Variants in DNAH17 observed in about 807,000 individuals in gnomAD.
DNAH17 encodes axonemal beta dynein heavy chain 17.
Under a neutral mutation model 485.6 loss-of-function variants are expected in DNAH17, and 376 were observed. The observed-to-expected ratio is 0.77, with a 90% CI of 0.71 to 0.84. The LOEUF is 0.84. Among genes scored for constraint, DNAH17 ranks in the 40% least tolerant of loss-of-function variants. The pLI is 0.00. For missense variants in DNAH17, 6,370 were observed against 5,839.3 expected (o/e 1.09, Z -2.96); for synonymous variants, 3,031 against 2,405.9 (o/e 1.26, Z -7.60).
chr17:78,546,019 G>A (rs1463343997), intron 16 of DNAH17, among the ~76,000 whole-genome samples: 1 of 151,842 alleles, frequency 6.6e-6, no homozygotes, highest in African/African-American at 2.4e-5. Context: ...TTGTCACTCA[G>A]GCTGGAGGGC....
intron 24 of DNAH17, 108 bp from the exon 25 acceptor site, chr17:78,525,269 T>C: frequency 2.1e-6 from 3 of 1,434,026 alleles, no homozygotes; most frequent in Non-Finnish European, 1.9e-6. Flanking sequence ...CTGATAAACC[T>C]TCTGGGAGGA....
At chr17:78,462,769 G>A (rs1002245522) in intron 57 of DNAH17, 75 bp downstream of exon 57, 3 of 1,455,212 alleles carry the variant, frequency 2.1e-6, no homozygotes, top group East Asian at 2.3e-5. Context: ...GCCCGTGGAT[G>A]CCTGTGACAG....
At chr17:78,465,583 C>A (rs2088392438) in intron 56 of DNAH17, among the ~76,000 whole-genome samples, 1 of 150,128 alleles carries the variant, frequency 6.7e-6, no homozygotes, top group South Asian at 2.1e-4. Context: ...TGCCCCGCCG[C>A]CCCATCTGGG....
At chr17:78,575,893 C>T (rs12150246) in intron 1 of DNAH17, among the ~76,000 whole-genome samples, 101,846 of 152,184 alleles carry the variant, frequency 0.67, 34,184 homozygotes, top group Middle Eastern at 0.73. Context: ...GAACAAAATA[C>T]CAAAGTTTCA....
In DNAH17 at chr17:78,486,308, G is replaced by GA. The variant is rs1568134603; in HGVS notation, c.7016_7017insT (p.Asp2341ArgfsTer37). 1 of 1,613,232 alleles carries GA rather than the reference G, an allele frequency of 6.2e-7. No individual in the cohort carries two copies. The highest frequency in any genetic ancestry group is 2.2e-5 in the East Asian group (1 of 44,866). Reference sequence around the variant, plus strand: ...CGTACAGCTCCCTGGGGGAGTCGGGGGGCACGGTCTTCTCCGTGAGCAGGC... The same window carrying GA: ...CGTACAGCTCCCTGGGGGAGTCGGGGAGGCACGGTCTTCTCCGTGAGCAGGC... On this transcript the variant is annotated frameshift_variant, in exon 45 of 81. Transcript: ENST00000389840. LOFTEE classifies it high-confidence loss of function.
chr17:78,574,728 G>A lies in DNAH17; in HGVS notation c.330C>T (p.Ile110=), dbSNP rs770116365. 181 of 1,606,060 alleles carry A rather than the reference G, an allele frequency of 1.1e-4. No individual in the cohort carries two copies. The highest frequency in any genetic ancestry group is 1.4e-4 in the Non-Finnish European group (170 of 1,174,428). ...ACGCACTCACCTCCTCCACCACCGC[G>A]ATCAGCTGGTCCACGGGTGTGGGGC... ...DISPTPVDQL[I]AVVEEVLSSL... is the part of the protein sequence containing the mutation. The change falls in exon 2 of 81, where the codon ATC becomes ATT. Residue 110 remains isoleucine (I), a synonymous_variant. Coordinates refer to ENST00000389840, the MANE Select transcript of DNAH17 (RefSeq NM_173628.4).
At chr17:78,457,197 CCT>C (rs1458386760) in intron 62 of DNAH17, among the ~76,000 whole-genome samples, 1 of 152,152 alleles carries the variant, frequency 6.6e-6, no homozygotes, top group Non-Finnish European at 1.5e-5. Context: ...ATGGTGAAAC[CCT>C]GTCTCTACTA....
intron 27 of DNAH17, among the ~76,000 whole-genome samples, chr17:78,509,243 G>A (rs1206995624): frequency 6.7e-6 from 1 of 150,320 alleles, no homozygotes; most frequent in Non-Finnish European, 1.5e-5. Flanking sequence ...TGGGATTACA[G>A]GCGTGAGCCA....
In DNAH17 at chr17:78,529,774, G is replaced by A. The variant is rs1240413038; in HGVS notation, c.3285-80C>T. The A allele has an allele frequency of 2.1e-6, 3 of 1,431,218 alleles. No individual in the cohort carries two copies. In the East Asian group the frequency reaches 7.1e-5, roughly 34 times the overall value. 88.7% of individuals were successfully genotyped at this position (1,431,218 alleles called of 1,614,324 possible). ...GATGGTACGGAGCCCCATGAGAGGG[G>A]GACGACCGCGGTGAGGTCAACTGGC... On this transcript the variant is annotated intron_variant, in intron 21 of 80. Coordinates refer to ENST00000389840, the MANE Select transcript of DNAH17 (RefSeq NM_173628.4).
intron 18 of DNAH17, among the ~76,000 whole-genome samples, chr17:78,538,924 G>A (rs1268838630): frequency 6.6e-6 from 1 of 152,124 alleles, no homozygotes; most frequent in African/African-American, 2.4e-5. Flanking sequence ...AAATCATTTA[G>A]AAACCATCTC....
chr17:78,570,416 T>C (rs2092335090), intron 6 of DNAH17, 44 bp from the exon 7 acceptor site: 1 of 1,587,532 alleles, frequency 6.3e-7, no homozygotes, highest in Non-Finnish European at 8.6e-7. Context: ...GACTGGCCGC[T>C]GCACCTTATC....
At chr17:78,442,497 G>A (rs2087113006) in intron 71 of DNAH17, among the ~76,000 whole-genome samples, 1 of 152,210 alleles carries the variant, frequency 6.6e-6, no homozygotes, top group African/African-American at 2.4e-5. Flanking sequence ...TGTGATCCTT[G>A]TCTAGGAAGG....
intron 27 of DNAH17, 34 bp downstream of exon 27, chr17:78,510,350 A>G: frequency 6.2e-7 from 1 of 1,608,002 alleles, no homozygotes; most frequent in Non-Finnish European, 8.5e-7. Flanking sequence ...GGCTGATCCC[A>G]CGTTGCACAG....
In DNAH17 at chr17:78,532,555, G is replaced by A. The variant is rs186768969; in HGVS notation, c.3041C>T (p.Ala1014Val). 8.6e-5 allele frequency: 139 copies of A among 1,610,336 alleles called. No individual in the cohort carries two copies. The African/African-American group carries it at 1.3e-3, about 15-fold the overall frequency. The change falls in exon 20 of 81, where the codon GCG (alanine) becomes GTG (valine). Residue 1014 changes from alanine (A) to valine (V), a missense_variant. By Grantham distance (64) the Ala-to-Val change is moderately conservative. Coordinates refer to ENST00000389840, the MANE Select transcript of DNAH17 (RefSeq NM_173628.4). ...ATCTGTCCAGGTGTCCAAGTCCTCC[G>A]CAGTGACTGCACACCCATATATCAG... ...NFLIYGCAVTAEDLDTWTDDT... is the reference protein window; with the variant it reads ...NFLIYGCAVTVEDLDTWTDDT...
chr17:78,461,482 GC>G, intron 58 of DNAH17, 61 bp downstream of exon 58: 1 of 1,433,316 alleles, frequency 7.0e-7, no homozygotes. Flanking sequence ...ACACGTGGAA[GC>G]CCAGGAGGCC....
intron 41 of DNAH17, 58 bp from the exon 42 acceptor site, chr17:78,492,823 A>G (rs1053917293): frequency 3.3e-6 from 5 of 1,524,314 alleles, no homozygotes; most frequent in Non-Finnish European, 4.4e-6. Flanking sequence ...ATCCTGCCCC[A>G]CTAGCCTCAG....
At chr17:78,524,622 G>GTTC (rs2091016298) in intron 25 of DNAH17, among the ~76,000 whole-genome samples, 2 of 127,774 alleles carry the variant, frequency 1.6e-5, no homozygotes, top group African/African-American at 6.1e-5. Context: ...ATAAAATGTT[G>GTTC]TTTATGAGCC....
intron 75 of DNAH17, among the ~76,000 whole-genome samples, chr17:78,430,845 G>A (rs371458148): frequency 2.6e-5 from 4 of 151,932 alleles, no homozygotes; most frequent in African/African-American, 9.7e-5. Context: ...GCCTCCCAAA[G>A]TGCTGGGATT....
intron 54 of DNAH17, chr17:78,472,639 G>A (rs747050281): frequency 4.6e-6 from 2 of 439,472 alleles, no homozygotes; most frequent in South Asian, 1.6e-5. Flanking sequence ...TGTGGGGTGT[G>A]GGGAGGGGAG....
Sources: allele counts gnomAD v4.1 joint callset (sites outside exome capture counted in the v4.1 genomes callset), GRCh38; gene constraint gnomAD v4.1.1; transcripts MANE v1.5; gene names NCBI Gene and HGNC (gene_info 2026-07-23, HGNC 2026-07-21).